FYCO1: variants seen among roughly 807,000 people sequenced by gnomAD.
FYCO1 encodes FYVE and coiled-coil domain-containing protein 1.
FYCO1 carries 122 observed loss-of-function variants against 165.1 expected under a neutral mutation model. The ratio of observed to expected loss-of-function variants is 0.74; its 90% confidence interval spans 0.64 to 0.86. FYCO1 has a LOEUF of 0.86. Among genes scored for constraint, FYCO1 ranks in the 40% least tolerant of loss-of-function variants. The probability of loss-of-function intolerance (pLI) is 0.00; values close to 1 mark genes in which losing one functional copy is unlikely to be tolerated. For missense variants in FYCO1, 1,702 were observed against 1,810.3 expected (o/e 0.94, Z 1.09); for synonymous variants, 648 against 742.5 (o/e 0.87, Z 2.07).
chr3:45,962,485 C>T lies in FYCO1; in HGVS notation c.3270-93G>A. The T allele has an allele frequency of 1.7e-6, 2 of 1,148,726 alleles. No homozygotes were observed. The highest frequency in any genetic ancestry group is 2.6e-6 in the Non-Finnish European group (2 of 757,406). The allele number at this position is 1,148,726 out of a possible 1,614,324, so 71.2% of individuals were successfully genotyped here. On this transcript the variant is annotated intron_variant, in intron 10 of 17. Coordinates refer to ENST00000296137, the MANE Select transcript of FYCO1 (RefSeq NM_024513.4). This position sits in a 1 kb window ranked among gnomAD's most constrained non-coding sequence, Gnocchi z 4.4. ...CCCAGGACTCTAATGAGGGGTGCTA[C>T]TGCCCTCCGCCATGGGGGAGCCCCT...
rs761255154 is a variant in FYCO1, at chr3:45,968,677, G to A, written c.657C>T (p.Asp219=). The change falls in exon 8 of 18, where the codon GAC becomes GAT. Residue 219 remains aspartate (D), a synonymous_variant. Coordinates refer to ENST00000296137, the MANE Select transcript of FYCO1 (RefSeq NM_024513.4). Reference sequence around the variant, plus strand: ...CCTCGTTGTTTAGGGGGCTGTTCAGGTCAAAGTTGGACACCATCTCTTGAG... The same window carrying A: ...CCTCGTTGTTTAGGGGGCTGTTCAGATCAAAGTTGGACACCATCTCTTGAG... The part of the protein sequence containing the change: ...LQTQEMVSNF[D]LNSPLNNEAL... The A allele has an allele frequency of 1.9e-6, 3 of 1,614,194 alleles. No homozygotes were observed. The highest frequency in any genetic ancestry group is 2.7e-5 in the African/African-American group (2 of 75,040).
rs747618696 is a variant in FYCO1, at chr3:45,955,211, TAATGAG to T, written c.3944+32_3944+37del. 4.4e-5 allele frequency: 71 copies of T among 1,610,854 alleles called. No homozygotes were observed. The East Asian group carries it at 1.5e-3, about 33-fold the overall frequency. ...TAAGAAAGCACAGGGGCCAGGCCTG[TAATGAG>T]CACTCAGGAAATGGGGGTGACCTCT... is the stretch of plus-strand genomic sequence containing the variant. On this transcript the variant is annotated intron_variant, in intron 14 of 17. Transcript: ENST00000296137.
At chr3:45,968,763 A>G in intron 7 of FYCO1, 60 bp from the exon 8 acceptor site, 1 of 1,603,494 alleles carries the variant, frequency 6.2e-7, no homozygotes, top group Non-Finnish European at 8.5e-7. Context: ...GCTATTTAGA[A>G]AAGCTTTAGA....
intron 14 of FYCO1, chr3:45,946,774 G>T: frequency 6.2e-7 from 1 of 1,614,178 alleles, no homozygotes; most frequent in Non-Finnish European, 8.5e-7. Context: ...TGGGTGTTTG[G>T]CCAGGTCATG....
At chr3:45,970,098 G>A (rs2125855558) in intron 6 of FYCO1, among the ~76,000 whole-genome samples, 1 of 152,358 alleles carries the variant, frequency 6.6e-6, no homozygotes, top group Middle Eastern at 3.4e-3. Context: ...GCAGCAGTCA[G>A]TTTGGTAAAT....
At chr3:45,936,232 G>A (rs758998994) in intron 15 of FYCO1, among the ~76,000 whole-genome samples, 3 of 152,114 alleles carry the variant, frequency 2.0e-5, no homozygotes, top group South Asian at 2.1e-4. Flanking sequence ...TCTTAATTGC[G>A]GTAGTGATCA....
chr3:45,920,288 T>C lies in FYCO1; in HGVS notation c.*1477A>G. The C allele has an allele frequency of 6.6e-6, 1 of 152,170 alleles. No individual in the cohort carries two copies. The highest frequency in any genetic ancestry group is 1.5e-5 in the Non-Finnish European group (1 of 68,058). 9.4% of individuals were successfully genotyped at this position (152,170 alleles called of 1,614,324 possible). On this transcript the variant is annotated 3_prime_UTR_variant, in exon 18 of 18. Transcript: ENST00000296137. ...CTCAAAACCAGCCAGACCAGGGTTA[T>C]GACAAAGAGAAACTTTGGGAAATGT...
chr3:45,952,013 C>G (rs1705061731), intron 14 of FYCO1, among the ~76,000 whole-genome samples: 1 of 152,202 alleles, frequency 6.6e-6, no homozygotes, highest in South Asian at 2.1e-4. Flanking sequence ...GAATCTTAAG[C>G]CAGTGGACTG....
chr3:45,936,630 G>C, intron 14 of FYCO1, 87 bp from the exon 15 acceptor site: 4 of 931,958 alleles, frequency 4.3e-6, no homozygotes, highest in South Asian at 1.3e-5. Context: ...GGAGTCACAG[G>C]CAGCCAAATC....
chr3:45,989,011 C>T (rs750670791), intron 1 of FYCO1, among the ~76,000 whole-genome samples: 1 of 152,276 alleles, frequency 6.6e-6, no homozygotes, highest in Non-Finnish European at 1.5e-5. Flanking sequence ...GTGACTAATA[C>T]TCATAATATT....
chr3:45,980,787 G>A lies in FYCO1; in HGVS notation c.162+783C>T, dbSNP rs75716768. On this transcript the variant is annotated intron_variant, in intron 3 of 17. Transcript: ENST00000296137. ...TTCTGATTACAGAAGCAAGATATGC[G>A]TATGTTATTAGGATATCTAGATAAA... 6.8e-3 allele frequency among the ~76,000 whole-genome samples: 1,035 copies of A among 152,214 alleles called. 6 individuals are homozygous for A. The highest frequency in any genetic ancestry group is 0.012 in the Non-Finnish European group (802 of 68,018).
At chr3:45,994,681 G>A (rs542450106) in intron 1 of FYCO1, among the ~76,000 whole-genome samples, 9 of 142,414 alleles carry the variant, frequency 6.3e-5, no homozygotes, top group African/African-American at 2.3e-4. Context: ...ACACCCTCCA[G>A]CCGCATTAGG....
At position 45,964,484 on chromosome 3, in the gene FYCO1, C is replaced by A; in HGVS notation, c.3151-30G>T. The A allele has an allele frequency of 6.2e-7, 1 of 1,613,056 alleles. No homozygotes were observed. The highest frequency in any genetic ancestry group is 1.1e-5 in the South Asian group (1 of 90,918). ...CACAGGACGTCAGGGAGAAGACACTCAGCTTGCAGAAGGCCATGCAACGTA... is the reference window on the plus strand; with the variant it reads ...CACAGGACGTCAGGGAGAAGACACTAAGCTTGCAGAAGGCCATGCAACGTA... On this transcript the variant is annotated intron_variant, in intron 9 of 17. Transcript: ENST00000296137. The surrounding 1 kb of genome is among the most constrained non-coding windows in gnomAD (Gnocchi z 4.1).
At chr3:45,972,626 T>C (rs577061436) in intron 6 of FYCO1, among the ~76,000 whole-genome samples, 23 of 152,260 alleles carry the variant, frequency 1.5e-4, no homozygotes, top group Non-Finnish European at 2.8e-4. Flanking sequence ...TGGTGTAAGA[T>C]ATGGCTGGCT....
At chr3:45,947,456 C>G (rs750354477) in intron 14 of FYCO1, 1 of 1,614,142 alleles carries the variant, frequency 6.2e-7, no homozygotes, top group South Asian at 1.1e-5. Flanking sequence ...AGGACAATTC[C>G]AAGACTTTTT....
chr3:45,929,961 G>A (rs1246230343), intron 16 of FYCO1, among the ~76,000 whole-genome samples: 2 of 152,118 alleles, frequency 1.3e-5, no homozygotes, highest in African/African-American at 2.4e-5. Flanking sequence ...CTCCTGCTCT[G>A]GGCCCTCCTC....
intron 1 of FYCO1, among the ~76,000 whole-genome samples, chr3:45,987,520 G>C (rs1479310634): frequency 6.6e-6 from 1 of 152,196 alleles, no homozygotes; most frequent in Non-Finnish European, 1.5e-5. Context: ...TCACTGGAGA[G>C]AGCCAAAAAG....
chr3:45,932,574 G>A (rs1703685767), intron 15 of FYCO1, among the ~76,000 whole-genome samples: 1 of 152,212 alleles, frequency 6.6e-6, no homozygotes, highest in Non-Finnish European at 1.5e-5. Context: ...TTAACACAGG[G>A]GAGGGAATTA....
At chr3:45,939,263 T>A (rs1704076255) in intron 14 of FYCO1, among the ~76,000 whole-genome samples, 1 of 152,264 alleles carries the variant, frequency 6.6e-6, no homozygotes, top group Non-Finnish European at 1.5e-5. Context: ...CCAGTGAATA[T>A]CTACATTATT....
Sources: gnomAD v4.1 joint callset for allele counts (sites outside exome capture counted in the v4.1 genomes callset) on GRCh38, gnomAD v4.1.1 for gene constraint, Gnocchi (gnomAD v3.1) non-coding constraint, MANE v1.5 for transcripts, NCBI Gene and HGNC (gene_info 2026-07-23, HGNC 2026-07-21) for gene names.